PDE4DIP: variants seen among roughly 807,000 people sequenced by gnomAD.
The protein encoded by PDE4DIP is myomegalin.
PDE4DIP carries 59 observed loss-of-function variants against 221.4 expected under a neutral mutation model. That is an observed-to-expected ratio of 0.27 (90% CI 0.22 to 0.33). The LOEUF (loss-of-function observed/expected upper bound fraction) is 0.33, where lower values mean the gene tolerates loss of function less well. Ranked by LOEUF, PDE4DIP falls within the 10% of genes least tolerant of loss-of-function variation. The pLI, the probability that PDE4DIP is intolerant of heterozygous loss-of-function variation, is 1.00. For synonymous variants in PDE4DIP, 404 were observed against 815.9 expected (o/e 0.50, Z 8.60); for missense variants, 1,036 against 2,154.2 (o/e 0.48, Z 10.28).
At chr1:148,930,179 C>G (rs1334083411) in intron 2 of PDE4DIP, 3 of 151,758 alleles carry the variant, frequency 2.0e-5, no homozygotes, top group African/African-American at 7.3e-5. Flanking sequence ...TATTTTCAGA[C>G]TTCAATAAAG....
chr1:148,933,706 A>G (rs587760048), intron 4 of PDE4DIP, among the ~76,000 whole-genome samples: 12 of 152,272 alleles, frequency 7.9e-5, no homozygotes, highest in Non-Finnish European at 1.3e-4. Context: ...CATAAATTTA[A>G]TCGCACCATG....
At chr1:148,983,192 G>C (rs190696394) in intron 21 of PDE4DIP, 3 of 152,054 alleles carry the variant, frequency 2.0e-5, no homozygotes, top group African/African-American at 7.2e-5. Flanking sequence ...TAATGGAGCC[G>C]TAGAAATGTC....
intron 4 of PDE4DIP, among the ~76,000 whole-genome samples, chr1:148,934,135 T>C: frequency 6.7e-6 from 1 of 150,062 alleles, no homozygotes; most frequent in East Asian, 1.9e-4. Flanking sequence ...CTTTTTCCCT[T>C]CTAGTGAACC....
At chr1:148,935,298 T>A (rs1191484553) in intron 4 of PDE4DIP, among the ~76,000 whole-genome samples, 19 of 149,126 alleles carry the variant, frequency 1.3e-4, no homozygotes, top group African/African-American at 4.0e-4. Context: ...TTCCAATATA[T>A]ACAAACAGAG....
At chr1:148,918,682 C>T in intron 1 of PDE4DIP, among the ~76,000 whole-genome samples, 1 of 137,082 alleles carries the variant, frequency 7.3e-6, no homozygotes, top group Admixed American at 7.2e-5. Context: ...ATCCAAACAC[C>T]TAATCTCCTT....
Position 148,844,418 on chromosome 1 carries a change from C to T in PDE4DIP, c.234-18832C>T, listed in dbSNP as rs1360085891. On this transcript the variant is annotated intron_variant, in intron 1 of 45. Coordinates refer to the PDE4DIP transcript ENST00000524974. ...ACAGCTCAGCTGGTGCCGAGCAACT[C>T]GTGCCAGCCAGTCGTGTCTCAGCCT... 4.0e-6 allele frequency: 1 copy of T among 249,650 alleles called. No individual in the cohort carries two copies. The highest frequency in any genetic ancestry group is 2.4e-5 in the African/African-American group (1 of 42,360). 15.5% of individuals were successfully genotyped at this position (249,650 alleles called of 1,614,324 possible).
chr1:148,905,178 GTT>G lies in PDE4DIP; in HGVS notation c.141+15306_141+15307del, dbSNP rs56687289. 7.9e-3 allele frequency among the ~76,000 whole-genome samples: 748 copies of G among 94,416 alleles called. 1 individual carries two copies. Among genetic ancestry groups the G allele is most frequent in the African/African-American group, 0.025 (586 of 23,144 alleles). The allele number at this position is 94,416 out of a possible 152,430, so 61.9% of individuals were successfully genotyped here. A position where few individuals can be genotyped will look rare whatever the true frequency, so the allele number is the denominator to read the frequency against. On this transcript the variant is annotated intron_variant, in intron 1 of 43. Transcript: ENST00000369354. ...CCAGGAATTTATCCATCTCTTCTAG[GTT>G]TTTTTTTTTTTTTTTTTTTTTGAGA...
intron 19 of PDE4DIP, 37 bp downstream of exon 22, chr1:148,978,452 A>G: frequency 7.2e-7 from 1 of 1,390,916 alleles, no homozygotes; most frequent in Non-Finnish European, 9.8e-7. Flanking sequence ...TTATTTATTT[A>G]CATTTTTTTG....
intron 2 of PDE4DIP, chr1:148,930,109 A>G (rs1461887090): frequency 3.3e-5 from 5 of 151,546 alleles, no homozygotes; most frequent in Admixed American, 6.6e-5. Flanking sequence ...TTACTTTTAT[A>G]ATTTACAGTT....
chr1:148,981,694 T>C (rs1174904363), intron 21 of PDE4DIP: 1 of 355,344 alleles, frequency 2.8e-6, no homozygotes, highest in African/African-American at 2.1e-5. Flanking sequence ...GTTTTAGTTT[T>C]TCCACTTTTA....
intron 21 of PDE4DIP, chr1:148,990,406 T>G: frequency 1.1e-6 from 1 of 948,402 alleles, no homozygotes; most frequent in Non-Finnish European, 1.3e-6. Flanking sequence ...GCCCCTTATC[T>G]GTATTGGGTA....
chr1:149,006,560 T>G (rs1356549394), intron 27 of PDE4DIP: 3 of 152,076 alleles, frequency 2.0e-5, no homozygotes, highest in African/African-American at 7.2e-5. Flanking sequence ...TGATGCTAAT[T>G]ATTCATTGAG....
At chr1:148,944,839 C>A (rs1458139786) in intron 5 of PDE4DIP, among the ~76,000 whole-genome samples, 1 of 152,160 alleles carries the variant, frequency 6.6e-6, no homozygotes, top group Non-Finnish European at 1.5e-5. Flanking sequence ...CCACTGCACT[C>A]CATCCTGGGC....
rs1478965993 is a variant in PDE4DIP at position 148,923,674 on chromosome 1, C to T, written c.142-5523C>T. ...ATTTTTAGTAGAGACGGGGTTTCACCGTGTTAGGCAGGATGGTCTCGATCT... is the reference window on the plus strand; with the variant it reads ...ATTTTTAGTAGAGACGGGGTTTCACTGTGTTAGGCAGGATGGTCTCGATCT... On this transcript the variant is annotated intron_variant, in intron 1 of 43. Coordinates refer to ENST00000369354, the Ensembl canonical transcript of PDE4DIP. Among the ~76,000 whole-genome samples, 13 of 145,022 alleles carry T rather than the reference C, an allele frequency of 9.0e-5. 1 individual carries two copies. Among genetic ancestry groups the T allele is most frequent in the Non-Finnish European group, 2.0e-4 (13 of 66,258 alleles).
intron 21 of PDE4DIP, chr1:148,982,124 A>G (rs2061220764): frequency 1.3e-5 from 2 of 152,292 alleles, no homozygotes; most frequent in Admixed American, 1.3e-4. Context: ...TACACAAGTG[A>G]AATTAGATTA....
rs748043992 is a variant in PDE4DIP, at chr1:148,902,806, TTGG to T, written c.141+12916_141+12918del. The stretch of plus-strand genomic sequence containing the variant: ...CACAGTTTCTTTATCCACTCATTGA[TTGG>T]TGGGCACTTGGGTTGGTTCCACGTT... On this transcript the variant is annotated intron_variant, in intron 1 of 43. Transcript: ENST00000369354. Among the ~76,000 whole-genome samples, 302 of 110,796 alleles carry T rather than the reference TTGG, an allele frequency of 2.7e-3. 22 individuals are homozygous for T. The highest frequency in any genetic ancestry group is 3.8e-3 in the Non-Finnish European group (223 of 58,376). 72.7% of individuals were successfully genotyped at this position (110,796 alleles called of 152,430 possible). A position where few individuals can be genotyped will look rare whatever the true frequency, so the allele number is the denominator to read the frequency against.
intron 1 of PDE4DIP, among the ~76,000 whole-genome samples, chr1:148,912,096 A>AC: frequency 7.0e-6 from 1 of 143,686 alleles, no homozygotes; most frequent in Non-Finnish European, 1.5e-5. Context: ...ACTACCTTTT[A>AC]CTTTTTTTTT....
At chr1:149,000,214 TTCCTGTGCA>T (rs1366991271) in intron 23 of PDE4DIP, among the ~76,000 whole-genome samples, 4 of 152,156 alleles carry the variant, frequency 2.6e-5, no homozygotes, top group Admixed American at 2.6e-4. Flanking sequence ...AATTACCCAT[TTCCTGTGCA>T]TCCTCTAGCT....
chr1:148,824,665 C>T (rs1476784691), intron 1 of PDE4DIP, among the ~76,000 whole-genome samples: 2 of 63,174 alleles, frequency 3.2e-5, no homozygotes, highest in Non-Finnish European at 6.8e-5. Flanking sequence ...CTAGTACAAA[C>T]TAAGCACAAA....
Sources: gnomAD v4.1 joint callset for allele counts (sites outside exome capture counted in the v4.1 genomes callset) on GRCh38, gnomAD v4.1.1 for gene constraint, MANE v1.5 for transcripts, NCBI Gene and HGNC (gene_info 2026-07-23, HGNC 2026-07-21) for gene names.